The following DAAM1 variants were observed in gnomAD, a reference collection of about 807,000 sequenced individuals.
The protein encoded by DAAM1 is disheveled-associated activator of morphogenesis 1.
In DAAM1, 52 loss-of-function variants were observed where a neutral mutation model predicts 130.0. That is an observed-to-expected ratio of 0.40 (90% confidence interval 0.32 to 0.50). The LOEUF (loss-of-function observed/expected upper bound fraction) is 0.50, where lower values mean the gene tolerates loss of function less well. Among genes scored for constraint, DAAM1 ranks in the 20% least tolerant of loss-of-function variants. The pLI is 0.61. For synonymous variants in DAAM1, 452 were observed against 444.5 expected, an observed-to-expected ratio of 1.02 and a Z score of -0.21; for missense variants, 1,134 against 1,303.8, an observed-to-expected ratio of 0.87 and a Z score of 2.01.
intron 2 of DAAM1, among the ~76,000 whole-genome samples, chr14:59,279,368 T>C (rs1341225591): frequency 2.3e-4 from 35 of 152,216 alleles, no homozygotes; most frequent in Non-Finnish European, 2.9e-5. Context: ...ATTACCAAAA[T>C]GAAAAATCTC....
intron 2 of DAAM1, among the ~76,000 whole-genome samples, chr14:59,275,618 G>A (rs1444918992): frequency 6.6e-6 from 1 of 152,142 alleles, no homozygotes; most frequent in East Asian, 1.9e-4. Context: ...ACTCTAATGA[G>A]TTTCTAGTTT....
intron 1 of DAAM1, among the ~76,000 whole-genome samples, chr14:59,217,109 G>A (rs1888606995): frequency 6.6e-6 from 1 of 152,140 alleles, no homozygotes; most frequent in Non-Finnish European, 1.5e-5. Flanking sequence ...AAATGGGCTG[G>A]TTTTCATGGA....
chr14:59,229,048 T>A lies in DAAM1; in HGVS notation c.-37-34393T>A, dbSNP rs539127100. Among the ~76,000 whole-genome samples, 5 of 152,350 alleles carry A rather than the reference T, an allele frequency of 3.3e-5. No homozygotes were observed. In the South Asian group the frequency reaches 1.0e-3, roughly 32 times the overall value. ...TTGGTTATGAATATTGTAGTTCTGATTAGCAAGCAAGTATTAAAACTAAAA... is the reference window on the plus strand; with the variant it reads ...TTGGTTATGAATATTGTAGTTCTGAATAGCAAGCAAGTATTAAAACTAAAA... On this transcript the variant is annotated intron_variant, in intron 1 of 24. Coordinates refer to ENST00000360909, the MANE Select transcript of DAAM1 (RefSeq NM_001270520.2).
rs1390891008 is a variant in DAAM1, at chr14:59,331,368, C to T, written c.1720C>T (p.Pro574Ser). 6 of 1,612,592 alleles carry T rather than the reference C, an allele frequency of 3.7e-6. No individual in the cohort carries two copies. Among genetic ancestry groups the T allele is most frequent in the Non-Finnish European group, 4.2e-6 (5 of 1,179,714 alleles). ...PPPPPLPPGG[P>S]PPPPGPPPLG... ...ACCGCCTCCCCTCCCTCCAGGTGGC[C>T]CTCCTCCTCCCCCAGGGCCTCCTCC... is the stretch of plus-strand genomic sequence containing the variant. Residue 574 changes from proline to serine, a missense_variant, in exon 14 of 25, where the codon CCT becomes TCT. This residue lies in a region of DAAM1 where 644 missense variants were observed against 695.9 expected (regional missense o/e 0.93). Transcript: ENST00000360909.
chr14:59,252,466 A>T (rs963919774), intron 1 of DAAM1, among the ~76,000 whole-genome samples: 2 of 152,130 alleles, frequency 1.3e-5, no homozygotes, highest in African/African-American at 4.8e-5. Flanking sequence ...AAGCTTTTTT[A>T]AAAAAATGCC....
At position 59,369,031 on chromosome 14, in the gene DAAM1, A is replaced by G. The variant is rs1377622296; in HGVS notation, c.*172A>G. 6.6e-6 allele frequency: 4 copies of G among 602,532 alleles called. No individual in the cohort carries two copies. The highest frequency in any genetic ancestry group is 3.7e-5 in the African/African-American group (2 of 53,728). 37.3% of individuals were successfully genotyped at this position (602,532 alleles called of 1,614,324 possible). A position where few individuals can be genotyped will look rare whatever the true frequency, so the allele number is the denominator to read the frequency against. On this transcript the variant is annotated 3_prime_UTR_variant, in exon 25 of 25. Transcript: ENST00000360909. ...TGTGTGTATATATTAAAAAATGTAT[A>G]TAGATGTCTGAGTGTTGTCTGGAGA...
At chr14:59,258,772 G>A (rs1882026105) in intron 1 of DAAM1, among the ~76,000 whole-genome samples, 2 of 152,142 alleles carry the variant, frequency 1.3e-5, no homozygotes, top group African/African-American at 2.4e-5. Flanking sequence ...GTTTAGGGAT[G>A]GGTTTAATAA....
chr14:59,235,286 G>A (rs904435296), intron 1 of DAAM1, among the ~76,000 whole-genome samples: 8 of 152,046 alleles, frequency 5.3e-5, no homozygotes, highest in Non-Finnish European at 8.8e-5. Flanking sequence ...GCTTTTTTTG[G>A]TTGGTAGGCT....
chr14:59,363,511 T>TAACA, intron 22 of DAAM1, 140 bp from the exon 23 acceptor site: 2 of 1,256,732 alleles, frequency 1.6e-6, no homozygotes, highest in Non-Finnish European at 2.2e-6. Flanking sequence ...CACTAGAGTA[T>TAACA]AACAAAATGT....
intron 1 of DAAM1, among the ~76,000 whole-genome samples, chr14:59,216,673 T>C (rs1211527095): frequency 6.6e-6 from 1 of 152,010 alleles, no homozygotes; most frequent in African/African-American, 2.4e-5. Context: ...TGAGCTGATA[T>C]TGCACCACTA....
chr14:59,288,864 C>A (rs1027602970), intron 2 of DAAM1, among the ~76,000 whole-genome samples: 28 of 120,036 alleles, frequency 2.3e-4, no homozygotes, highest in African/African-American at 1.0e-3. Flanking sequence ...AGAGAGAGCG[C>A]GCGAAGGGGG....
In DAAM1 at chr14:59,272,641, A is replaced by ATG. The variant is rs1222344155; in HGVS notation, c.183+8982_183+8983insGT. On this transcript the variant is annotated intron_variant, in intron 2 of 24. Coordinates refer to ENST00000360909, the MANE Select transcript of DAAM1 (RefSeq NM_001270520.2). ...CACACACACACACACATACACACAT[A>ATG]TATATGTATGTATGTATGTATGTAT... Among the ~76,000 whole-genome samples, 270 of 117,956 alleles carry ATG rather than the reference A, an allele frequency of 2.3e-3. 1 individual carries two copies. Among genetic ancestry groups the ATG allele is most frequent in the Middle Eastern group, 4.5e-3 (1 of 222 alleles). The allele number at this position is 117,956 out of a possible 152,430, so 77.4% of individuals were successfully genotyped here.
intron 2 of DAAM1, among the ~76,000 whole-genome samples, chr14:59,272,624 C>T (rs1415794986): frequency 7.8e-5 from 11 of 141,218 alleles, no homozygotes; most frequent in African/African-American, 2.5e-4. Flanking sequence ...CACACACACA[C>T]ACACACATAC....
chr14:59,369,474 A>G lies in DAAM1; in HGVS notation c.*615A>G, dbSNP rs749598338. The G allele has an allele frequency of 3.3e-5, 5 of 152,482 alleles. No homozygotes were observed. The highest frequency in any genetic ancestry group is 5.9e-5 in the Non-Finnish European group (4 of 67,980). 9.4% of individuals were successfully genotyped at this position (152,482 alleles called of 1,614,324 possible). On this transcript the variant is annotated 3_prime_UTR_variant, in exon 25 of 25. Coordinates refer to ENST00000360909, the MANE Select transcript of DAAM1 (RefSeq NM_001270520.2). Reference sequence around the variant, plus strand: ...TGTTTATTGAGAACATCTTGCACACAATTTGAATTATGTAGAATGTCAATC... The same window carrying G: ...TGTTTATTGAGAACATCTTGCACACGATTTGAATTATGTAGAATGTCAATC...
chr14:59,358,479 C>G (rs1387590029), intron 20 of DAAM1, among the ~76,000 whole-genome samples: 1 of 152,206 alleles, frequency 6.6e-6, no homozygotes, highest in African/African-American at 2.4e-5. Flanking sequence ...TTATGGCCCA[C>G]TTCCAGGTTC....
chr14:59,367,993 CA>C (rs1410132198), intron 24 of DAAM1, among the ~76,000 whole-genome samples: 11 of 152,066 alleles, frequency 7.2e-5, no homozygotes, highest in African/African-American at 2.7e-4. Context: ...CCTTGAAAGA[CA>C]TGTATTCAAA....
rs551830084 is a variant in DAAM1 at position 59,203,570 on chromosome 14, A to C, written c.-38+14802A>C. On this transcript the variant is annotated intron_variant, in intron 1 of 24. Transcript: ENST00000360909. ...TCTAAATAAACAGAGTATGACATGC[A>C]CAAAGGATAGATGTGGTAATTCCTT... 3.3e-5 allele frequency among the ~76,000 whole-genome samples: 5 copies of C among 152,342 alleles called. 1 individual carries two copies. Among genetic ancestry groups the C allele is most frequent in the South Asian group, 4.1e-4 (2 of 4,820 alleles).
chr14:59,253,720 T>C (rs1193621558), intron 1 of DAAM1, among the ~76,000 whole-genome samples: 1 of 152,182 alleles, frequency 6.6e-6, no homozygotes, highest in East Asian at 1.9e-4. Flanking sequence ...AGGAACAAGA[T>C]TGAACAACAT....
Position 59,330,654 on chromosome 14 carries a change from C to T in DAAM1, c.1526C>T (p.Ala509Val), listed in dbSNP as rs753130754. ...CATAAGCAAGTCAAGCAGCAGGTGG[C>T]GGACCTCACAGCACAGCTCCATGAG... ...TEHKQVKQQV[A>V]DLTAQLHELS... The change falls in exon 13 of 25, where the codon GCG becomes GTG. Residue 509 changes from alanine (A) to valine (V), a missense_variant. Around this residue, in one of 3 missense-constraint regions of DAAM1, gnomAD observed 644 missense variants for 695.9 expected, o/e 0.93. Coordinates refer to ENST00000360909, the MANE Select transcript of DAAM1 (RefSeq NM_001270520.2). 3.1e-6 allele frequency: 5 copies of T among 1,613,424 alleles called. No homozygotes were observed. Among genetic ancestry groups the T allele is most frequent in the Middle Eastern group, 1.7e-4 (1 of 6,054 alleles).
Sources: allele counts gnomAD v4.1 joint callset (sites outside exome capture counted in the v4.1 genomes callset), GRCh38; gene constraint gnomAD v4.1.1; regional missense constraint gnomAD v4.1.1; transcripts MANE v1.5; gene names NCBI Gene and HGNC (gene_info 2026-07-23, HGNC 2026-07-21).